KNDC1: variants seen among roughly 807,000 people sequenced by gnomAD.
The protein encoded by KNDC1 is kinase non-catalytic C-lobe domain-containing protein 1.
Under a neutral mutation model 172.8 loss-of-function variants are expected in KNDC1, and 106 were observed. The observed-to-expected ratio is 0.61, with a 90% CI of 0.52 to 0.72. KNDC1 has a LOEUF of 0.72. Among genes scored for constraint, KNDC1 ranks in the 30% least tolerant of loss-of-function variants. The pLI, the probability that KNDC1 is intolerant of heterozygous loss-of-function variation, is 0.00. For missense variants in KNDC1, 2,325 were observed against 2,394.5 expected (o/e 0.97, Z 0.61); for synonymous variants, 1,083 against 1,062.2 (o/e 1.02, Z -0.38).
Position 133,226,148 on chromosome 10 carries a change from C to T in KNDC1, c.*1258C>T, listed in dbSNP as rs571449714. On this transcript the variant is annotated 3_prime_UTR_variant, in exon 30 of 30. Transcript: ENST00000304613. ...AAATTCACCGGAGACATCCGGGCCCCGCTTCGATGTAACATGAGAGGAAGT... is the reference window on the plus strand; with the variant it reads ...AAATTCACCGGAGACATCCGGGCCCTGCTTCGATGTAACATGAGAGGAAGT... 1.3e-5 allele frequency: 2 copies of T among 152,362 alleles called. No homozygotes were observed. The highest frequency in any genetic ancestry group is 2.1e-4 in the South Asian group (1 of 4,834). 9.4% of individuals were successfully genotyped at this position (152,362 alleles called of 1,614,324 possible).
intron 11 of KNDC1, 102 bp downstream of exon 11, chr10:133,197,237 C>G (rs1207349495): frequency 1.1e-6 from 1 of 898,210 alleles, no homozygotes; most frequent in Admixed American, 2.0e-5. Context: ...GCCCCACACC[C>G]CGGTCTCTGT....
In KNDC1 at chr10:133,163,283, C is replaced by T. The variant is rs11816808; in HGVS notation, c.102+2714C>T. Among the ~76,000 whole-genome samples, 7,365 of 152,282 alleles carry T rather than the reference C, an allele frequency of 0.048. 582 individuals are homozygous for T. The highest frequency in any genetic ancestry group is 0.17 in the African/African-American group (6,866 of 41,520). On this transcript the variant is annotated intron_variant, in intron 1 of 29. Transcript: ENST00000304613. The surrounding 1 kb of genome is among the most constrained non-coding windows in gnomAD (Gnocchi z 4.4). ...GTCCCTGAGAGGCAGGCAGCACTAT[C>T]ATCCCTCCCAGAGTTCAGCAACTGC...
intron 3 of KNDC1, among the ~76,000 whole-genome samples, chr10:133,172,993 A>T (rs1428896835): frequency 2.0e-5 from 3 of 152,130 alleles, no homozygotes; most frequent in Non-Finnish European, 2.9e-5. Context: ...GCAGAGTGAG[A>T]CGCCACTTCT....
chr10:133,206,678 T>TC lies in KNDC1; in HGVS notation c.3388-3dup, dbSNP rs763134172. On this transcript the variant is annotated splice_polypyrimidine_tract_variant and splice_region_variant and intron_variant, in intron 17 of 29. Coordinates refer to ENST00000304613, the MANE Select transcript of KNDC1 (RefSeq NM_152643.8). ...CCTGGGGCTTAGGCGCTGTGTTTCG[T>TC]CCCCAGGAGCTGGAACAGCAGCTCA... is the stretch of plus-strand genomic sequence containing the variant. 3.1e-6 allele frequency: 5 copies of TC among 1,612,836 alleles called. No individual in the cohort carries two copies. The African/African-American group carries it at 6.7e-5, about 22-fold the overall frequency.
intron 1 of KNDC1, among the ~76,000 whole-genome samples, chr10:133,162,265 G>A (rs1214279981): frequency 6.6e-6 from 1 of 150,874 alleles, no homozygotes; most frequent in East Asian, 2.0e-4. Context: ...CTTCCCACAC[G>A]TGTTTGGCTT....
intron 3 of KNDC1, among the ~76,000 whole-genome samples, chr10:133,182,335 G>C (rs1206931944): frequency 6.6e-6 from 1 of 152,130 alleles, no homozygotes; most frequent in Non-Finnish European, 1.5e-5. Context: ...CCAGGACGCA[G>C]GTGCATGTCC....
At chr10:133,192,257 T>C (rs990443037) in intron 9 of KNDC1, among the ~76,000 whole-genome samples, 3 of 152,166 alleles carry the variant, frequency 2.0e-5, no homozygotes, top group Non-Finnish European at 4.4e-5. Context: ...CAAACTATAC[T>C]ACAAGGCCAC....
intron 6 of KNDC1, among the ~76,000 whole-genome samples, chr10:133,187,604 G>A (rs543653040): frequency 6.6e-5 from 10 of 152,244 alleles, no homozygotes; most frequent in African/African-American, 9.6e-5. Context: ...GCCTTCCCAC[G>A]CACAACAGCC....
At chr10:133,213,515 T>C in intron 24 of KNDC1, 130 bp from the exon 25 acceptor site, 1 of 737,652 alleles carries the variant, frequency 1.4e-6, no homozygotes, top group South Asian at 1.7e-5. Context: ...TGTGGACTGT[T>C]AGATGGGTAT....
intron 3 of KNDC1, among the ~76,000 whole-genome samples, chr10:133,177,966 T>C (rs1264129177): frequency 6.7e-6 from 1 of 148,894 alleles, no homozygotes; most frequent in Non-Finnish European, 1.5e-5. Context: ...GATGTATGTG[T>C]GTAGCGTGCA....
At position 133,199,270 on chromosome 10, in the gene KNDC1, C is replaced by T. The variant is rs185424252; in HGVS notation, c.2758+4C>T. The T allele has an allele frequency of 2.5e-5, 38 of 1,548,250 alleles. No homozygotes were observed. In the Middle Eastern group the frequency reaches 8.5e-4, roughly 35 times the overall value. On this transcript the variant is annotated splice_donor_region_variant and intron_variant, in intron 14 of 29. Transcript: ENST00000304613. ...GGGCTGGAGGCTCTGATCATGGGTACGTGGGGGCCGCAGACGCCCCAGAGG... is the reference window on the plus strand; with the variant it reads ...GGGCTGGAGGCTCTGATCATGGGTATGTGGGGGCCGCAGACGCCCCAGAGG...
intron 2 of KNDC1, among the ~76,000 whole-genome samples, 171 bp downstream of exon 2, chr10:133,167,750 G>A (rs1161045705): frequency 6.6e-6 from 1 of 152,034 alleles, no homozygotes; most frequent in Non-Finnish European, 1.5e-5. Flanking sequence ...GAGAGTGGCC[G>A]AGGGTCCGTG....
chr10:133,211,510 G>A lies in KNDC1; in HGVS notation c.3997G>A (p.Val1333Met). 6.2e-7 allele frequency: 1 copy of A among 1,614,032 alleles called. No individual in the cohort carries two copies. Among genetic ancestry groups the A allele is most frequent in the Non-Finnish European group, 8.5e-7 (1 of 1,179,916 alleles). ...LQAWVEDCYA[V>M]DFPRNSGLLG... ...GGCCTGGGTGGAGGACTGCTACGCT[G>A]TGGACTTCCCTCGGAACAGCGGGCT... The change falls in exon 22 of 30, where the codon GTG (valine) becomes ATG (methionine). Residue 1333 changes from valine (V) to methionine (M), a missense_variant. Val to Met is a conservative substitution (Grantham distance 21). Transcript: ENST00000304613.
chr10:133,166,834 A>G (rs1296234780), intron 1 of KNDC1, among the ~76,000 whole-genome samples: 5 of 151,984 alleles, frequency 3.3e-5, no homozygotes, highest in Admixed American at 2.0e-4. Flanking sequence ...TTTGGAGGTG[A>G]GCCCACATGG....
chr10:133,198,211 G>A (rs1854247368), intron 12 of KNDC1, 126 bp from the exon 13 acceptor site: 9 of 1,144,142 alleles, frequency 7.9e-6, no homozygotes, highest in Non-Finnish European at 1.1e-5. Flanking sequence ...AAGCCCCCAG[G>A]GCCATGCGGG....
chr10:133,193,751 A>C (rs1032831573), intron 9 of KNDC1, among the ~76,000 whole-genome samples: 2 of 152,252 alleles, frequency 1.3e-5, no homozygotes, highest in East Asian at 3.8e-4. Context: ...TATGAAAATG[A>C]TAAAAAGAAA....
At chr10:133,215,148 C>G (rs543160830) in intron 26 of KNDC1, among the ~76,000 whole-genome samples, 151 of 152,336 alleles carry the variant, frequency 9.9e-4, no homozygotes, top group Non-Finnish European at 1.8e-3. Context: ...CGCCCACCCC[C>G]TCCTGGGCCG....
intron 17 of KNDC1, among the ~76,000 whole-genome samples, chr10:133,204,307 A>C (rs1336252698): frequency 1.3e-5 from 2 of 152,236 alleles, no homozygotes; most frequent in African/African-American, 4.8e-5. Context: ...ACGTGTGGCT[A>C]CTGAGCTCTG....
intron 7 of KNDC1, among the ~76,000 whole-genome samples, chr10:133,189,327 G>T (rs559195174): frequency 6.6e-6 from 1 of 152,292 alleles, no homozygotes; most frequent in African/African-American, 2.4e-5. Context: ...TGTTCTCCCT[G>T]CCGCTTGGCT....
Sources: gnomAD v4.1 joint callset for allele counts (sites outside exome capture counted in the v4.1 genomes callset) on GRCh38, gnomAD v4.1.1 for gene constraint, Gnocchi (gnomAD v3.1) non-coding constraint, MANE v1.5 for transcripts, NCBI Gene and HGNC (gene_info 2026-07-23, HGNC 2026-07-21) for gene names.